Variants in SYTL5 observed in about 807,000 individuals in gnomAD.
SYTL5 encodes the protein synaptotagmin-like protein 5.
SYTL5 carries 34 observed loss-of-function variants against 55.9 expected under a neutral mutation model. The ratio of observed to expected loss-of-function variants is 0.61; its 90% CI spans 0.46 to 0.81. The LOEUF (loss-of-function observed/expected upper bound fraction) is 0.81, where lower values mean the gene tolerates loss of function less well. Ranked by LOEUF, SYTL5 falls within the 30% of genes least tolerant of loss-of-function variation. The pLI is 0.00. For synonymous variants in SYTL5, 221 were observed against 188.7 expected, an observed-to-expected ratio of 1.17 and a Z score of -1.40; for missense variants, 637 against 546.7, an observed-to-expected ratio of 1.17 and a Z score of -1.65.
chrX:38,052,611 G>T (rs187649307), intron 2 of SYTL5, among the ~76,000 whole-genome samples: 183 of 111,910 alleles, frequency 1.6e-3, no homozygotes, highest in African/African-American at 5.7e-3. Context: ...AAGATCAAAA[G>T]AAATAATAAA....
chrX:38,048,180 C>T (rs751449629), intron 2 of SYTL5, among the ~76,000 whole-genome samples: 28 of 108,189 alleles, frequency 2.6e-4, no homozygotes, highest in Admixed American at 2.4e-3. Context: ...AGTGCAACTC[C>T]ATCTCAAAAA....
the SYTL5 span, among the ~76,000 whole-genome samples, chrX:37,903,372 A>G: frequency 9.3e-6 from 1 of 107,740 alleles, no homozygotes; most frequent in African/African-American, 3.4e-5. Context: ...ATGCAGCCAT[A>G]AAAAATGATG....
chrX:38,078,235 G>A (rs1440797308), intron 6 of SYTL5, among the ~76,000 whole-genome samples: 3 of 106,747 alleles, frequency 2.8e-5, no homozygotes, highest in Admixed American at 1.0e-4. Context: ...TACAAAAAGA[G>A]GAAAGACAAT....
At chrX:38,005,300 C>A (rs1364822782), upstream of SYTL5, among the ~76,000 whole-genome samples, 2 of 111,187 alleles carry the variant, frequency 1.8e-5, no homozygotes, top group South Asian at 7.5e-4. Flanking sequence ...TCCCCATTGT[C>A]CAATATGCAA....
At chrX:38,045,874 T>A (rs1333195209) in intron 2 of SYTL5, among the ~76,000 whole-genome samples, 3 of 111,974 alleles carry the variant, frequency 2.7e-5, no homozygotes, top group Non-Finnish European at 5.6e-5. Flanking sequence ...AGAGACTTTG[T>A]GATAAGATCC....
intron 1 of SYTL5, among the ~76,000 whole-genome samples, chrX:38,031,800 G>T (rs767823376): frequency 1.8e-5 from 2 of 112,142 alleles, no homozygotes; most frequent in East Asian, 2.8e-4. Flanking sequence ...GAAAAGCCCT[G>T]TTTATCCTAA....
At chrX:38,102,988 G>A (rs1937118792) in intron 10 of SYTL5, 1 of 1,026,097 alleles carries the variant, frequency 9.7e-7, no homozygotes, top group South Asian at 2.1e-5. Flanking sequence ...TTGCTCTGAT[G>A]CTTTTTTTCT....
At chrX:38,078,791 G>A (rs184855532) in intron 6 of SYTL5, among the ~76,000 whole-genome samples, 3 of 112,296 alleles carry the variant, frequency 2.7e-5, no homozygotes, top group Admixed American at 9.4e-5. Context: ...GCATCACCAA[G>A]TACTGGTATA....
At chrX:38,108,726 T>C (rs1177968753) in intron 12 of SYTL5, 27 bp downstream of exon 12, 2 of 1,000,540 alleles carry the variant, frequency 2.0e-6, no homozygotes, top group Non-Finnish European at 2.8e-6. Context: ...TCATAGTAAC[T>C]CATGTGGTAC....
At chrX:38,000,868 C>T in the SYTL5 span, among the ~76,000 whole-genome samples, 4 of 111,661 alleles carry the variant, frequency 3.6e-5, no homozygotes, top group Non-Finnish European at 1.9e-5. Context: ...CCGCCCCAAC[C>T]GAACTCCGCA....
intron 2 of SYTL5, among the ~76,000 whole-genome samples, chrX:38,042,170 A>T (rs1367893227): frequency 1.8e-5 from 2 of 110,549 alleles, no homozygotes; most frequent in African/African-American, 6.6e-5. Context: ...GATATATATT[A>T]TTTCAAATAC....
At chrX:37,912,997 G>A in the SYTL5 span, among the ~76,000 whole-genome samples, 1 of 111,834 alleles carries the variant, frequency 8.9e-6, no homozygotes, top group Non-Finnish European at 1.9e-5. Context: ...ATTGTGTTGT[G>A]TGGTACTTCT....
chrX:38,025,769 T>C (rs1438466651), intron 1 of SYTL5, among the ~76,000 whole-genome samples: 2 of 112,277 alleles, frequency 1.8e-5, no homozygotes, highest in Non-Finnish European at 3.8e-5. Flanking sequence ...GTGTAATGGG[T>C]AAGGGATTCT....
intron 11 of SYTL5, among the ~76,000 whole-genome samples, chrX:38,108,217 T>C (rs1248660016): frequency 8.9e-6 from 1 of 111,946 alleles, no homozygotes. Flanking sequence ...GGTAGCTCCT[T>C]GGATGTGTCA....
At chrX:38,066,061 C>T (rs1337085467) in intron 3 of SYTL5, among the ~76,000 whole-genome samples, 1 of 110,908 alleles carries the variant, frequency 9.0e-6, no homozygotes, top group Non-Finnish European at 1.9e-5. Context: ...GAGCATGCCA[C>T]TGCACTCCAG....
intron 16 of SYTL5, 43 bp from the exon 17 acceptor site, chrX:38,126,545 C>G (rs1937650573): frequency 8.3e-7 from 1 of 1,198,006 alleles, no homozygotes; most frequent in African/African-American, 1.8e-5. Context: ...GAGAGCAAAG[C>G]ATTTCATGTG....
the SYTL5 span, among the ~76,000 whole-genome samples, chrX:37,944,347 G>A: frequency 5.3e-3 from 592 of 111,036 alleles, 2 homozygotes; most frequent in African/African-American, 0.018. Flanking sequence ...TTGACATTTG[G>A]CAATAATTGA....
chrX:37,991,912 T>G, the SYTL5 span, among the ~76,000 whole-genome samples: 1 of 112,395 alleles, frequency 8.9e-6, no homozygotes, highest in Admixed American at 9.4e-5. Context: ...TGTGAATATA[T>G]CTTTTTGTCC....
At chrX:37,948,556 C>A in the SYTL5 span, among the ~76,000 whole-genome samples, 1 of 109,541 alleles carries the variant, frequency 9.1e-6, no homozygotes, top group African/African-American at 3.3e-5. Flanking sequence ...GAGTATACAA[C>A]TTGATGATTT....
Sources: gnomAD v4.1 joint callset for allele counts (sites outside exome capture counted in the v4.1 genomes callset) on GRCh38, gnomAD v4.1.1 for gene constraint, MANE v1.5 for transcripts, NCBI Gene and HGNC (gene_info 2026-07-23, HGNC 2026-07-21) for gene names.